REDIC1: variants seen among roughly 807,000 people sequenced by gnomAD.
REDIC1 encodes the protein HEI10 Interacting Protein 1.
At chr12:39,715,378 TG>T in the REDIC1 span, among the ~76,000 whole-genome samples, 1 of 151,954 alleles carries the variant, frequency 6.6e-6, no homozygotes, top group African/African-American at 2.4e-5. Flanking sequence ...TGTAAATATT[TG>T]GGTTTATTTC....
the REDIC1 span, among the ~76,000 whole-genome samples, chr12:39,748,961 A>G: frequency 6.6e-6 from 1 of 152,156 alleles, no homozygotes. Flanking sequence ...CCCACAAGAG[A>G]AAGCAGGAAA....
chr12:39,818,995 C>G, the REDIC1 span, among the ~76,000 whole-genome samples: 1 of 152,062 alleles, frequency 6.6e-6, no homozygotes, highest in Non-Finnish European at 1.5e-5. Flanking sequence ...CAATGTTAAA[C>G]GAACGAAGAT....
the REDIC1 span, among the ~76,000 whole-genome samples, chr12:39,765,767 T>A: frequency 6.6e-6 from 1 of 152,116 alleles, no homozygotes; most frequent in African/African-American, 2.4e-5. Flanking sequence ...GCACAGGATG[T>A]GCAGGTTTGT....
the REDIC1 span, among the ~76,000 whole-genome samples, chr12:39,715,123 A>G: frequency 2.0e-5 from 3 of 151,954 alleles, no homozygotes; most frequent in African/African-American, 7.2e-5. Flanking sequence ...GTTCTTGGTC[A>G]TGAAATCCTT....
the REDIC1 span, among the ~76,000 whole-genome samples, chr12:39,827,996 G>C: frequency 6.6e-6 from 1 of 152,022 alleles, no homozygotes; most frequent in African/African-American, 2.4e-5. Flanking sequence ...CCAAGGTCAT[G>C]GTTGACTTTG....
At chr12:39,870,754 T>C in the REDIC1 span, among the ~76,000 whole-genome samples, 1 of 152,272 alleles carries the variant, frequency 6.6e-6, no homozygotes, top group Non-Finnish European at 1.5e-5. Flanking sequence ...CACACATTAT[T>C]GGATTCAAGG....
the REDIC1 span, among the ~76,000 whole-genome samples, chr12:39,809,702 T>G: frequency 6.6e-6 from 1 of 152,210 alleles, no homozygotes; most frequent in Non-Finnish European, 1.5e-5. Flanking sequence ...TTCCCCTTCC[T>G]GTGTCCATGT....
chr12:39,728,108 A>C, the REDIC1 span, among the ~76,000 whole-genome samples: 1 of 152,118 alleles, frequency 6.6e-6, no homozygotes, highest in Non-Finnish European at 1.5e-5. Context: ...AACAGAGACA[A>C]TTTGACTTTC....
chr12:39,837,999 C>A, the REDIC1 span, among the ~76,000 whole-genome samples: 1 of 150,928 alleles, frequency 6.6e-6, no homozygotes, highest in African/African-American at 2.4e-5. Context: ...GGGTATATAC[C>A]CAAATGACTA....
the REDIC1 span, among the ~76,000 whole-genome samples, chr12:39,832,103 A>G: frequency 6.6e-6 from 1 of 152,138 alleles, no homozygotes; most frequent in Non-Finnish European, 1.5e-5. Flanking sequence ...GAGGCCATTC[A>G]AATGTACTGA....
At chr12:39,627,937 A>G in the REDIC1 span, among the ~76,000 whole-genome samples, 2 of 152,182 alleles carry the variant, frequency 1.3e-5, no homozygotes, top group Admixed American at 6.5e-5. Context: ...AAGTTGTGAG[A>G]AGCTGGCAAG....
chr12:39,700,275 G>A, the REDIC1 span, among the ~76,000 whole-genome samples: 5 of 152,110 alleles, frequency 3.3e-5, no homozygotes, highest in African/African-American at 1.2e-4. Context: ...ACCAAGGCTC[G>A]AGAACTACTT....
At chr12:39,794,698 T>C in the REDIC1 span, among the ~76,000 whole-genome samples, 1 of 152,224 alleles carries the variant, frequency 6.6e-6, no homozygotes, top group Non-Finnish European at 1.5e-5. Flanking sequence ...TCCAACCATG[T>C]GGCAGCCTGG....
At chr12:39,658,535 T>A in the REDIC1 span, among the ~76,000 whole-genome samples, 2 of 152,334 alleles carry the variant, frequency 1.3e-5, no homozygotes, top group East Asian at 3.9e-4. Flanking sequence ...TTTGTATGAT[T>A]TGATCCTTCC....
At chr12:39,735,381 A>G in the REDIC1 span, among the ~76,000 whole-genome samples, 14 of 152,250 alleles carry the variant, frequency 9.2e-5, no homozygotes, top group Non-Finnish European at 2.1e-4. Context: ...ACACTATCAT[A>G]TGAAGTAACG....
the REDIC1 span, among the ~76,000 whole-genome samples, chr12:39,645,453 AT>A: frequency 6.6e-6 from 1 of 152,044 alleles, no homozygotes; most frequent in African/African-American, 2.4e-5. Flanking sequence ...CTTGAATACT[AT>A]CAAGATTCTT....
At chr12:39,883,872 C>T in the REDIC1 span, among the ~76,000 whole-genome samples, 1,921 of 152,188 alleles carry the variant, frequency 0.013, 23 homozygotes, top group Non-Finnish European at 0.018. Flanking sequence ...CAGCAAAACA[C>T]GGAAGTATAT....
chr12:39,632,874 G>C, the REDIC1 span, among the ~76,000 whole-genome samples: 1 of 152,148 alleles, frequency 6.6e-6, no homozygotes, highest in Non-Finnish European at 1.5e-5. Flanking sequence ...AATGGAGCCT[G>C]CAGTACTGAA....
the REDIC1 span, among the ~76,000 whole-genome samples, chr12:39,787,452 G>C: frequency 1.3e-5 from 2 of 152,124 alleles, no homozygotes; most frequent in African/African-American, 4.8e-5. Context: ...GTTCTCTAAA[G>C]CAGAGAGAAA....
Sources: gnomAD v4.1 joint callset for allele counts (sites outside exome capture counted in the v4.1 genomes callset) on GRCh38, gnomAD v4.1.1 for gene constraint, MANE v1.5 for transcripts, NCBI Gene and HGNC (gene_info 2026-07-23, HGNC 2026-07-21) for gene names.